Variants in MTIF2 observed in about 807,000 individuals in gnomAD.
MTIF2 encodes mitochondrial translational initiation factor 2, also known as translation initiation factor IF-2, mitochondrial.
Under a neutral mutation model 83.5 loss-of-function variants are expected in MTIF2, and 71 were observed. The observed-to-expected ratio is 0.85, with a 90% CI of 0.70 to 1.04. The LOEUF (loss-of-function observed/expected upper bound fraction) is 1.04. Ranked by LOEUF, MTIF2 falls within the 50% of genes least tolerant of loss-of-function variation. The pLI is 0.00. For synonymous variants in MTIF2, 319 were observed against 287.1 expected (o/e 1.11, Z -1.12); for missense variants, 957 against 846.5 (o/e 1.13, Z -1.62).
rs183627583 is a variant in MTIF2 at position 55,261,112 on chromosome 2, G to A, written c.331+1204C>T. ...CGCCATTCTCCTGCCTCAGCCTCCC[G>A]AGTAGCTGGGACTACAGGCGCCCGC... On this transcript the variant is annotated intron_variant, in intron 5 of 15. Transcript: ENST00000263629. 4.8e-3 allele frequency among the ~76,000 whole-genome samples: 730 copies of A among 151,558 alleles called. 3 individuals carry two copies. Among genetic ancestry groups the A allele is most frequent in the African/African-American group, 0.017 (685 of 41,360 alleles).
intron 13 of MTIF2, among the ~76,000 whole-genome samples, chr2:55,241,690 A>C (rs1284260636): frequency 6.6e-6 from 1 of 152,058 alleles, no homozygotes; most frequent in African/African-American, 2.4e-5. Context: ...TAAAAATATA[A>C]GAATTAGCCA....
At chr2:55,266,926 TG>T (rs1281428159) in intron 3 of MTIF2, among the ~76,000 whole-genome samples, 1 of 151,850 alleles carries the variant, frequency 6.6e-6, no homozygotes, top group African/African-American at 2.4e-5. Flanking sequence ...TGTGCCACCG[TG>T]TCAGGCTAAT....
At chr2:55,263,003 A>G (rs116621170) in intron 4 of MTIF2, among the ~76,000 whole-genome samples, 2,423 of 152,338 alleles carry the variant, frequency 0.016, 29 homozygotes, top group Middle Eastern at 0.037. Flanking sequence ...CCGTGATTAC[A>G]GGCGTGAGCC....
chr2:55,252,800 T>A (rs964428577), intron 7 of MTIF2, 147 bp from the exon 8 acceptor site: 1 of 568,694 alleles, frequency 1.8e-6, no homozygotes, highest in Non-Finnish European at 2.9e-6. Flanking sequence ...ACACAGATCA[T>A]CATTTCACAA....
At chr2:55,236,889 T>C in intron 15 of MTIF2, 69 bp from the exon 16 acceptor site, 1 of 1,220,114 alleles carries the variant, frequency 8.2e-7, no homozygotes, top group Non-Finnish European at 1.1e-6. Context: ...CTACATTATG[T>C]GGTGTTAACC....
intron 8 of MTIF2, among the ~76,000 whole-genome samples, 169 bp from the exon 9 acceptor site, chr2:55,249,703 G>A (rs748544488): frequency 3.3e-5 from 5 of 152,112 alleles, no homozygotes; most frequent in Non-Finnish European, 7.3e-5. Flanking sequence ...CCTACTCTGC[G>A]CTCTACATAT....
chr2:55,249,825 C>G (rs1177567402), intron 8 of MTIF2, among the ~76,000 whole-genome samples: 1 of 152,144 alleles, frequency 6.6e-6, no homozygotes, highest in East Asian at 1.9e-4. Context: ...GGTGCGGTGG[C>G]TCATGCCTGT....
rs1452696230 is a variant in MTIF2, at chr2:55,263,726, T to C, written c.133A>G (p.Thr45Ala). Residue 45 changes from threonine to alanine, a missense_variant, in exon 4 of 16, where the codon ACA becomes GCA. Coordinates refer to ENST00000263629, the MANE Select transcript of MTIF2 (RefSeq NM_002453.3). The stretch of plus-strand genomic sequence containing the variant: ...CAGGGCCAGGCACACAGTTGAGCTG[T>C]CCACACAGGGTAAGCAGATGAAAAC... ...HGFSSAYPVW[T>A]AQLCAWPWPT... 7.4e-6 allele frequency: 12 copies of C among 1,614,070 alleles called. No homozygotes were observed. In the East Asian group the frequency reaches 8.9e-5, roughly 12 times the overall value.
At chr2:55,253,692 G>C (rs966043547) in intron 7 of MTIF2, among the ~76,000 whole-genome samples, 1 of 152,142 alleles carries the variant, frequency 6.6e-6, no homozygotes, top group South Asian at 2.1e-4. Context: ...GTGCACACCT[G>C]TAGTCCCAGC....
intron 5 of MTIF2, 102 bp downstream of exon 5, chr2:55,262,214 C>T (rs1678057061): frequency 2.5e-6 from 2 of 785,786 alleles, no homozygotes; most frequent in South Asian, 1.5e-5. Context: ...TTTTTAAGTG[C>T]CAGTCTAGTT....
chr2:55,240,143 T>G lies in MTIF2; in HGVS notation c.1738A>C (p.Asn580His), dbSNP rs777643389. The change falls in exon 14 of 16, where the codon AAT becomes CAT. Residue 580 changes from asparagine to histidine, a missense_variant. This residue lies in a region of MTIF2 where 221 missense variants were observed against 180.6 expected (regional missense o/e 1.22). Transcript: ENST00000263629. ...TTTGCAGCTGACTGTTGGATAACAT[T>G]GCCTGCATTCACATTAAAGCCATAT... ...VIYGFNVNAG[N>H]VIQQSAAKKG... 1.2e-6 allele frequency: 2 copies of G among 1,613,952 alleles called. No homozygotes were observed. The highest frequency in any genetic ancestry group is 1.7e-6 in the Non-Finnish European group (2 of 1,179,880).
chr2:55,266,336 C>T (rs1048387828), intron 3 of MTIF2: 1 of 151,838 alleles, frequency 6.6e-6, no homozygotes, highest in Non-Finnish European at 1.5e-5. Context: ...CCAGCCTGAC[C>T]GACATGGTGA....
chr2:55,259,274 A>G (rs1677778093), intron 5 of MTIF2, among the ~76,000 whole-genome samples: 7 of 152,222 alleles, frequency 4.6e-5, no homozygotes, highest in Admixed American at 3.9e-4. Flanking sequence ...GCTAATGTAT[A>G]TAGTAGTTAA....
At chr2:55,239,895 A>C (rs1271643409) in intron 14 of MTIF2, 116 bp downstream of exon 14, 1 of 878,554 alleles carries the variant, frequency 1.1e-6, no homozygotes, top group Non-Finnish European at 1.6e-6. Flanking sequence ...ATTTTTTTCT[A>C]GAACACAGGA....
intron 10 of MTIF2, 50 bp downstream of exon 10, chr2:55,246,287 C>G (rs751226395): frequency 4.6e-6 from 7 of 1,530,432 alleles, no homozygotes; most frequent in Non-Finnish European, 5.3e-6. Context: ...ATAATCAAGT[C>G]ACGAAAACCA....
At chr2:55,260,459 A>G (rs949546008) in intron 5 of MTIF2, among the ~76,000 whole-genome samples, 2 of 151,984 alleles carry the variant, frequency 1.3e-5, no homozygotes, top group Admixed American at 6.6e-5. Flanking sequence ...CTTTGTAAGG[A>G]TGTACATGCA....
In MTIF2 at chr2:55,236,669, A is replaced by C. The variant is rs754742285; in HGVS notation, c.2163T>G (p.Thr721=). The change falls in exon 16 of 16, where the codon ACT becomes ACG. Residue 721 remains threonine, a synonymous_variant. Transcript: ENST00000263629. ...CYEEKQIQAK[T]SWDPGF ...AATTTTAAAATCCTGGATCCCAAGA[A>C]GTCTTGGCTTGAATTTGCTTTTCTT... is the stretch of plus-strand genomic sequence containing the variant. 1.1e-5 allele frequency: 18 copies of C among 1,591,862 alleles called. No individual in the cohort carries two copies. Among genetic ancestry groups the C allele is most frequent in the Non-Finnish European group, 1.4e-5 (17 of 1,173,994 alleles).
chr2:55,242,914 T>A (rs534282855), intron 13 of MTIF2, 26 bp downstream of exon 13: 1 of 1,594,962 alleles, frequency 6.3e-7, no homozygotes, highest in South Asian at 1.1e-5. Context: ...GGAACACAGA[T>A]TAACAAGAAG....
chr2:55,236,835 T>C lies in MTIF2; in HGVS notation c.2012-15A>G. ...GGTTAATGAGCCTTAAAAAAGATAA[T>C]TTAAGGTTAGTATATTCAATAAATG... On this transcript the variant is annotated splice_polypyrimidine_tract_variant and intron_variant, in intron 15 of 15. Coordinates refer to ENST00000263629, the MANE Select transcript of MTIF2 (RefSeq NM_002453.3). 6.4e-7 allele frequency: 1 copy of C among 1,558,020 alleles called. No individual in the cohort carries two copies. The highest frequency in any genetic ancestry group is 1.2e-5 in the South Asian group (1 of 82,604).
Sources: gnomAD v4.1 joint callset for allele counts (sites outside exome capture counted in the v4.1 genomes callset) on GRCh38, gnomAD v4.1.1 for gene constraint, gnomAD v4.1.1 regional missense constraint, MANE v1.5 for transcripts, NCBI Gene and HGNC (gene_info 2026-07-23, HGNC 2026-07-21) for gene names.